The following CHRNA9 variants were observed in gnomAD, a reference collection of about 807,000 sequenced individuals.
The protein encoded by CHRNA9 is neuronal acetylcholine receptor subunit alpha-9.
A neutral mutation model predicts 36.8 loss-of-function variants in CHRNA9; 24 were observed. The ratio of observed to expected loss-of-function variants is 0.65; its 90% CI spans 0.47 to 0.92. CHRNA9 has a LOEUF of 0.92. Ranked by LOEUF, CHRNA9 falls within the 40% of genes least tolerant of loss-of-function variation. The pLI is 0.00. For synonymous variants in CHRNA9, 231 were observed against 231.8 expected, an observed-to-expected ratio of 1.00 and a Z score of 0.03; for missense variants, 610 against 601.2, an observed-to-expected ratio of 1.01 and a Z score of -0.15.
At position 40,335,505 on chromosome 4, in the gene CHRNA9, T is replaced by C. The variant is rs751239517; in HGVS notation, c.38T>C (p.Ile13Thr). ...WSHSCISFCWIYFAASRLRAA... is the reference protein window; with the variant it reads ...WSHSCISFCWTYFAASRLRAA... ...CATTCCTGCATCTCCTTTTGCTGGATCTACTTTGCTGCTTCCAGACTGAGA... is the reference window on the plus strand; with the variant it reads ...CATTCCTGCATCTCCTTTTGCTGGACCTACTTTGCTGCTTCCAGACTGAGA... Residue 13 changes from isoleucine to threonine, a missense_variant, in exon 1 of 5, where the codon ATC (isoleucine) becomes ACC (threonine). Coordinates refer to ENST00000310169, the MANE Select transcript of CHRNA9 (RefSeq NM_017581.4). 6.2e-7 allele frequency: 1 copy of C among 1,613,652 alleles called. No homozygotes were observed. The highest frequency in any genetic ancestry group is 1.1e-5 in the South Asian group (1 of 91,062).
intron 3 of CHRNA9, among the ~76,000 whole-genome samples, chr4:40,346,194 T>C (rs1218633348): frequency 6.6e-6 from 1 of 152,214 alleles, no homozygotes; most frequent in East Asian, 1.9e-4. Flanking sequence ...GGTTAGCATG[T>C]GTATTCCCTC....
At chr4:40,349,442 C>G (rs55660233) in intron 4 of CHRNA9, 28 bp downstream of exon 4, 2 of 1,592,646 alleles carry the variant, frequency 1.3e-6, no homozygotes, top group Admixed American at 3.4e-5. Context: ...CCACTTCAAG[C>G]CCAGCTTTGT....
intron 4 of CHRNA9, 109 bp downstream of exon 4, chr4:40,349,523 T>A (rs56078044): frequency 0.025 from 26,806 of 1,076,292 alleles, 459 homozygotes; most frequent in Non-Finnish European, 0.026. Flanking sequence ...CAATTTCGAC[T>A]CAATACAGAC....
At chr4:40,346,477 A>G (rs560482350) in intron 3 of CHRNA9, among the ~76,000 whole-genome samples, 1 of 152,306 alleles carries the variant, frequency 6.6e-6, no homozygotes, top group African/African-American at 2.4e-5. Flanking sequence ...CCTAGCCCCA[A>G]ACAGATTCTC....
At position 40,354,037 on chromosome 4, in the gene CHRNA9, G is replaced by A. The variant is rs761915190; in HGVS notation, c.957G>A (p.Met319Ile). The A allele has an allele frequency of 6.8e-6, 11 of 1,614,078 alleles. No homozygotes were observed. In the Admixed American group the frequency reaches 1.7e-4, roughly 24 times the overall value. The change falls in exon 5 of 5, where the codon ATG (methionine) becomes ATA (isoleucine). Residue 319 changes from methionine to isoleucine, a missense_variant. By Grantham distance (10) the Met-to-Ile change is conservative. Coordinates refer to ENST00000310169, the MANE Select transcript of CHRNA9 (RefSeq NM_017581.4). ...CAGCCTCCACTGCGTTGACCATCAT[G>A]GTGATGAATATCCACTTCTGTGGGG... ...LITASTALTI[M>I]VMNIHFCGAE...
intron 2 of CHRNA9, among the ~76,000 whole-genome samples, chr4:40,336,477 T>C (rs531784760): frequency 1.4e-5 from 2 of 146,016 alleles, no homozygotes; most frequent in African/African-American, 4.9e-5. Flanking sequence ...TAATGTGAAT[T>C]TGATCTTAAT....
chr4:40,350,540 A>C (rs749634934), intron 4 of CHRNA9, among the ~76,000 whole-genome samples: 40 of 152,152 alleles, frequency 2.6e-4, no homozygotes, highest in Non-Finnish European at 5.3e-4. Context: ...ACAAGGAGAA[A>C]TTTTAGAACA....
intron 3 of CHRNA9, among the ~76,000 whole-genome samples, chr4:40,341,829 T>G (rs1053973891): frequency 6.6e-6 from 1 of 152,358 alleles, no homozygotes; most frequent in Non-Finnish European, 1.5e-5. Context: ...AGACCCTCCA[T>G]GTGTAACAAA....
intron 4 of CHRNA9, 64 bp downstream of exon 4, chr4:40,349,478 TTG>T: frequency 6.8e-7 from 1 of 1,471,100 alleles, no homozygotes; most frequent in Non-Finnish European, 9.2e-7. Context: ...GCCTTTAAGG[TTG>T]TGTGTGTGCC....
Position 40,354,494 on chromosome 4 carries a change from A to G in CHRNA9, c.1414A>G (p.Ile472Val), listed in dbSNP as rs1291936993. The change falls in exon 5 of 5, where the codon ATT becomes GTT. Residue 472 changes from isoleucine to valine, a missense_variant. Physicochemically the swap from Ile to Val is conservative, Grantham distance 29 (BLOSUM62 3). Transcript: ENST00000310169. ...TTTCATTATGGTGTTTGTGATGACT[A>G]TTTTGATCATAGCAAGAGCGGATTA... ...IFFIMVFVMTILIIARAD is the reference protein window; with the variant it reads ...IFFIMVFVMTVLIIARAD 11 of 1,612,838 alleles carry G rather than the reference A, an allele frequency of 6.8e-6. No individual in the cohort carries two copies. The highest frequency in any genetic ancestry group is 1.7e-5 in the Admixed American group (1 of 59,976).
At chr4:40,348,069 GT>G (rs1231517991) in intron 3 of CHRNA9, 1 of 152,094 alleles carries the variant, frequency 6.6e-6, no homozygotes, top group Non-Finnish European at 1.5e-5. Flanking sequence ...GGGACTGTCT[GT>G]TTTTTTTCAG....
rs1402384560 is a variant in CHRNA9 at position 40,349,091 on chromosome 4, G to A, written c.575G>A (p.Gly192Glu). 2.5e-5 allele frequency: 41 copies of A among 1,614,026 alleles called. No individual in the cohort carries two copies. The highest frequency in any genetic ancestry group is 1.1e-4 in the East Asian group (5 of 44,894). The change falls in exon 4 of 5, where the codon GGA (glycine) becomes GAA (glutamate). Residue 192 changes from glycine (G) to glutamate (E), a missense_variant. Coordinates refer to ENST00000310169, the MANE Select transcript of CHRNA9 (RefSeq NM_017581.4). ...QVDIFNALDSGDLSDFIEDVE... is the reference protein window; with the variant it reads ...QVDIFNALDSEDLSDFIEDVE... Reference sequence around the variant, plus strand: ...GACATATTCAACGCCTTGGACAGCGGAGATCTCTCTGACTTCATTGAAGAT... The same window carrying A: ...GACATATTCAACGCCTTGGACAGCGAAGATCTCTCTGACTTCATTGAAGAT...
At position 40,335,369 on chromosome 4, in the gene CHRNA9, C is replaced by T. The variant is rs531267932; in HGVS notation, c.-99C>T. 1.8e-4 allele frequency: 159 copies of T among 888,930 alleles called. No individual in the cohort carries two copies. Among genetic ancestry groups the T allele is most frequent in the African/African-American group, 1.3e-3 (82 of 61,236 alleles). 55.1% of individuals were successfully genotyped at this position (888,930 alleles called of 1,614,324 possible). Reference sequence around the variant, plus strand: ...GAGCTCTCCCGCCATAAGGCTGCAGCGGTGTGGGCTCCTTGTGCCCAGATC... The same window carrying T: ...GAGCTCTCCCGCCATAAGGCTGCAGTGGTGTGGGCTCCTTGTGCCCAGATC... On this transcript the variant is annotated 5_prime_UTR_variant, in exon 1 of 5. Transcript: ENST00000310169.
intron 3 of CHRNA9, among the ~76,000 whole-genome samples, chr4:40,341,704 C>A (rs1712506577): frequency 1.3e-5 from 2 of 152,186 alleles, no homozygotes; most frequent in African/African-American, 4.8e-5. Flanking sequence ...GGTTTCGTTT[C>A]AATAAATCTG....
At chr4:40,351,554 C>T (rs1712806579) in intron 4 of CHRNA9, among the ~76,000 whole-genome samples, 1 of 152,132 alleles carries the variant, frequency 6.6e-6, no homozygotes. Context: ...TTATTCATAG[C>T]ACCCATGGAG....
intron 3 of CHRNA9, among the ~76,000 whole-genome samples, chr4:40,338,451 G>A (rs187792088): frequency 3.3e-5 from 5 of 152,206 alleles, no homozygotes; most frequent in African/African-American, 1.2e-4. Flanking sequence ...CAGTGGCCCC[G>A]CCTGTTGTTG....
At position 40,354,012 on chromosome 4, in the gene CHRNA9, C is replaced by T. The variant is rs1258657383; in HGVS notation, c.932C>T (p.Thr311Ile). The T allele has an allele frequency of 6.2e-7, 1 of 1,611,536 alleles. No homozygotes were observed. Among genetic ancestry groups the T allele is most frequent in the Non-Finnish European group, 8.5e-7 (1 of 1,178,148 alleles). ...KYYIATMALI[T>I]ASTALTIMVM... ...TACATAGCCACGATGGCCCTGATCACAGCCTCCACTGCGTTGACCATCATG... is the reference window on the plus strand; with the variant it reads ...TACATAGCCACGATGGCCCTGATCATAGCCTCCACTGCGTTGACCATCATG... The change falls in exon 5 of 5, where the codon ACA (threonine) becomes ATA (isoleucine). Residue 311 changes from threonine to isoleucine, a missense_variant. Coordinates refer to ENST00000310169, the MANE Select transcript of CHRNA9 (RefSeq NM_017581.4).
chr4:40,346,945 G>A (rs965918238), intron 3 of CHRNA9, among the ~76,000 whole-genome samples: 1 of 151,926 alleles, frequency 6.6e-6, no homozygotes, highest in African/African-American at 2.4e-5. Context: ...CGAGTAGCTG[G>A]GACTACAGGT....
At chr4:40,342,887 G>A (rs1370872633) in intron 3 of CHRNA9, among the ~76,000 whole-genome samples, 2 of 152,126 alleles carry the variant, frequency 1.3e-5, no homozygotes, top group African/African-American at 4.8e-5. Context: ...GGCATGGGAG[G>A]AGAGGACTCA....
Sources: allele counts gnomAD v4.1 joint callset (sites outside exome capture counted in the v4.1 genomes callset), GRCh38; gene constraint gnomAD v4.1.1; transcripts MANE v1.5; gene names NCBI Gene and HGNC (gene_info 2026-07-23, HGNC 2026-07-21).